Variants in ERC2 observed in about 807,000 individuals in gnomAD.
ERC2 encodes the protein ERC protein 2.
In ERC2, 42 loss-of-function variants were observed where a neutral mutation model predicts 114.8. The observed-to-expected ratio is 0.37, with a 90% CI of 0.29 to 0.47. ERC2 has a LOEUF of 0.47. ERC2 is among the 20% of genes least tolerant of loss of function. ERC2 has a pLI of 0.99. For synonymous variants in ERC2, 454 were observed against 425.5 expected (o/e 1.07, Z -0.82); for missense variants, 939 against 1,150.7 (o/e 0.82, Z 2.66).
At chr3:55,512,919 C>A (rs2052195276) in intron 17 of ERC2, among the ~76,000 whole-genome samples, 1 of 152,206 alleles carries the variant, frequency 6.6e-6, no homozygotes, top group African/African-American at 2.4e-5. Flanking sequence ...GTGACACCGC[C>A]AGCATTTAGA....
Position 55,904,010 on chromosome 3 carries a change from C to A in ERC2, c.2404-15461G>T, listed in dbSNP as rs183146740. ...CTTATTTGTTAGGTTACATAGCCCT[C>A]GGGGACTTTCTTGCCTGAGATTAAT... On this transcript the variant is annotated intron_variant, in intron 13 of 17. Coordinates refer to ENST00000288221, the MANE Select transcript of ERC2 (RefSeq NM_015576.3). 2.0e-5 allele frequency among the ~76,000 whole-genome samples: 3 copies of A among 152,268 alleles called. No homozygotes were observed. In the East Asian group the frequency reaches 5.8e-4, roughly 29 times the overall value.
At chr3:56,138,051 C>CTTTT (rs920983143) in intron 6 of ERC2, among the ~76,000 whole-genome samples, 22 of 92,632 alleles carry the variant, frequency 2.4e-4, no homozygotes, top group East Asian at 3.6e-4. Context: ...AATGGTATTT[C>CTTTT]TTTTTTTTTT....
intron 14 of ERC2, among the ~76,000 whole-genome samples, chr3:55,841,661 C>A (rs1021825552): frequency 6.6e-6 from 1 of 152,104 alleles, no homozygotes; most frequent in Non-Finnish European, 1.5e-5. Context: ...AAGGCAAGTG[C>A]TATTATGGTT....
chr3:55,830,310 T>C (rs1235649181), intron 14 of ERC2, among the ~76,000 whole-genome samples: 1 of 152,064 alleles, frequency 6.6e-6, no homozygotes, highest in African/African-American at 2.4e-5. Context: ...GCAGACCTAC[T>C]CTAAAAAAAT....
chr3:56,341,275 G>A (rs2150492612), intron 2 of ERC2, among the ~76,000 whole-genome samples: 2 of 152,262 alleles, frequency 1.3e-5, no homozygotes, highest in East Asian at 3.9e-4. Flanking sequence ...CTGGAGTAGA[G>A]CTCTGGAAAC....
At chr3:55,919,335 T>C (rs1171628371) in intron 13 of ERC2, among the ~76,000 whole-genome samples, 2 of 152,134 alleles carry the variant, frequency 1.3e-5, no homozygotes, top group Non-Finnish European at 2.9e-5. Flanking sequence ...GCTATGACCA[T>C]GCCACTGCAC....
At chr3:56,464,016 TCAAA>T (rs977696345) in intron 1 of ERC2, among the ~76,000 whole-genome samples, 34 of 152,124 alleles carry the variant, frequency 2.2e-4, no homozygotes, top group African/African-American at 7.5e-4. Flanking sequence ...CCCTCTAAAA[TCAAA>T]CAGAGAATAT....
chr3:56,388,898 C>G, intron 2 of ERC2, among the ~76,000 whole-genome samples: 1 of 152,016 alleles, frequency 6.6e-6, no homozygotes, highest in Non-Finnish European at 1.5e-5. Context: ...CACAAGGGAG[C>G]AGGAATGTAT....
intron 2 of ERC2, among the ~76,000 whole-genome samples, chr3:56,420,627 T>G (rs2061349181): frequency 6.6e-6 from 1 of 151,736 alleles, no homozygotes; most frequent in African/African-American, 2.4e-5. Flanking sequence ...GGCTCACTCC[T>G]GTAATCCCAG....
intron 7 of ERC2, among the ~76,000 whole-genome samples, chr3:56,066,730 TA>T (rs1295100180): frequency 1.3e-5 from 2 of 152,148 alleles, no homozygotes; most frequent in Non-Finnish European, 2.9e-5. Flanking sequence ...TAATTTTTGT[TA>T]AAGTATAAGA....
intron 10 of ERC2, among the ~76,000 whole-genome samples, chr3:56,003,751 T>C (rs1352415851): frequency 6.6e-6 from 1 of 152,120 alleles, no homozygotes; most frequent in Non-Finnish European, 1.5e-5. Flanking sequence ...TATTACCAAC[T>C]TCTACTGTTG....
intron 6 of ERC2, among the ~76,000 whole-genome samples, chr3:56,110,355 A>C (rs1519035): frequency 6.6e-6 from 1 of 152,118 alleles, no homozygotes; most frequent in Admixed American, 6.6e-5. Context: ...TGCAATACTA[A>C]CTATACAAGT....
At chr3:55,559,277 G>T (rs1233121868) in intron 17 of ERC2, among the ~76,000 whole-genome samples, 1 of 152,248 alleles carries the variant, frequency 6.6e-6, no homozygotes, top group Admixed American at 6.5e-5. Flanking sequence ...CAGAGGTTCT[G>T]ATTTCAGGAA....
At chr3:55,745,668 C>A (rs926607958) in intron 14 of ERC2, among the ~76,000 whole-genome samples, 2 of 152,176 alleles carry the variant, frequency 1.3e-5, no homozygotes, top group Non-Finnish European at 1.5e-5. Flanking sequence ...AATGAGAAAA[C>A]CAAATACATC....
intron 3 of ERC2, among the ~76,000 whole-genome samples, chr3:56,286,146 G>C (rs1376626577): frequency 6.6e-6 from 1 of 152,082 alleles, no homozygotes; most frequent in Non-Finnish European, 1.5e-5. Context: ...GGGCGCGGTG[G>C]CTTGCACCTG....
At chr3:55,676,208 C>A (rs1403482577) in intron 17 of ERC2, among the ~76,000 whole-genome samples, 1 of 151,698 alleles carries the variant, frequency 6.6e-6, no homozygotes, top group Non-Finnish European at 1.5e-5. Flanking sequence ...CAGGTGTGAG[C>A]CAGCGTGCAC....
chr3:55,880,943 T>A (rs1027080873), intron 14 of ERC2, among the ~76,000 whole-genome samples: 3 of 152,160 alleles, frequency 2.0e-5, no homozygotes, highest in Non-Finnish European at 4.4e-5. Flanking sequence ...TCTCATGAAT[T>A]TATAATCTCA....
intron 17 of ERC2, among the ~76,000 whole-genome samples, chr3:55,527,828 T>A (rs1053593291): frequency 6.6e-6 from 1 of 152,194 alleles, no homozygotes; most frequent in South Asian, 2.1e-4. Flanking sequence ...CACTATTTCA[T>A]GCGTGGGTTT....
At chr3:56,307,043 G>A (rs2056270095) in intron 2 of ERC2, among the ~76,000 whole-genome samples, 1 of 152,212 alleles carries the variant, frequency 6.6e-6, no homozygotes, top group African/African-American at 2.4e-5. Context: ...GCCAGAGCCA[G>A]GGCACTGTGA....
Sources: gnomAD v4.1 joint callset for allele counts (sites outside exome capture counted in the v4.1 genomes callset) on GRCh38, gnomAD v4.1.1 for gene constraint, MANE v1.5 for transcripts, NCBI Gene and HGNC (gene_info 2026-07-23, HGNC 2026-07-21) for gene names.